STAMBPL1: variants seen among roughly 807,000 people sequenced by gnomAD.
STAMBPL1 encodes STAM binding protein like 1.
In STAMBPL1, 44 loss-of-function variants were observed where a neutral mutation model predicts 52.9. The observed-to-expected ratio is 0.83, with a 90% CI of 0.65 to 1.07. STAMBPL1 has a LOEUF of 1.07. Among genes scored for constraint, STAMBPL1 ranks in the 50% least tolerant of loss-of-function variants. The pLI, the probability that STAMBPL1 is intolerant of heterozygous loss-of-function variation, is 0.00. For synonymous variants in STAMBPL1, 164 were observed against 177.3 expected (o/e 0.92, Z 0.60); for missense variants, 511 against 520.8 (o/e 0.98, Z 0.18).
intron 6 of STAMBPL1, 115 bp from the exon 7 acceptor site, chr10:88,914,419 C>T: frequency 2.7e-6 from 2 of 733,040 alleles, no homozygotes; most frequent in South Asian, 4.9e-5. Context: ...AGTGGAACAC[C>T]TGATACTTTT....
Position 88,921,283 on chromosome 10 carries a change from A to C in STAMBPL1, c.1042A>C (p.Thr348Pro), listed in dbSNP as rs1845503776. ...AGATTATCTTATTTTCTATTTATAG[A>C]CACATCCCACTCAAACTGCATTTTT... is the stretch of plus-strand genomic sequence containing the variant. ...HDLLTLGWIH[T>P]HPTQTAFLSS... is the part of the protein sequence containing the mutation. The change falls in exon 9 of 11, where the codon ACA becomes CCA. Residue 348 changes from threonine to proline, a missense_variant and splice_region_variant. Physicochemically the swap from Thr to Pro is conservative, Grantham distance 38 (BLOSUM62 -1). This residue lies in a region of STAMBPL1 where 137 missense variants were observed against 139.9 expected (regional missense o/e 0.98). Transcript: ENST00000371926. 5.0e-6 allele frequency: 8 copies of C among 1,610,680 alleles called. No homozygotes were observed. In the East Asian group the frequency reaches 1.8e-4, roughly 36 times the overall value.
chr10:88,880,865 C>G (rs889489806), intron 1 of STAMBPL1, among the ~76,000 whole-genome samples: 6 of 152,224 alleles, frequency 3.9e-5, no homozygotes, highest in Admixed American at 3.3e-4. Flanking sequence ...TGCGCCCCTC[C>G]GCTGGGCCCT....
intron 3 of STAMBPL1, among the ~76,000 whole-genome samples, chr10:88,907,486 C>T (rs1487555554): frequency 6.6e-6 from 1 of 152,202 alleles, no homozygotes; most frequent in Non-Finnish European, 1.5e-5. Flanking sequence ...AATAATATTT[C>T]TTTTTCACCT....
Position 88,921,273 on chromosome 10 carries a change from C to G in STAMBPL1, c.1042-10C>G. 6.2e-7 allele frequency: 1 copy of G among 1,604,196 alleles called. No homozygotes were observed. Among genetic ancestry groups the G allele is most frequent in the South Asian group, 1.1e-5 (1 of 90,776 alleles). ...TATCCTAGTAAGATTATCTTATTTT[C>G]TATTTATAGACACATCCCACTCAAA... is the stretch of plus-strand genomic sequence containing the variant. On this transcript the variant is annotated splice_polypyrimidine_tract_variant and intron_variant, in intron 8 of 10. Transcript: ENST00000371926.
chr10:88,910,991 CAAG>C lies in STAMBPL1; in HGVS notation c.403_405del (p.Glu135del). ...TTTAAAGAAATATAACGTAGAATAC[CAAG>C]AATATTTGCAAAGCAAAGTAAGTTC... On this transcript the variant is annotated inframe_deletion, in exon 5 of 11. Coordinates refer to ENST00000371926, the MANE Select transcript of STAMBPL1 (RefSeq NM_020799.4). The C allele has an allele frequency of 6.3e-7, 1 of 1,582,074 alleles. No homozygotes were observed. The highest frequency in any genetic ancestry group is 8.6e-7 in the Non-Finnish European group (1 of 1,167,104).
chr10:88,898,930 A>T (rs1341257526), intron 1 of STAMBPL1, among the ~76,000 whole-genome samples: 1 of 152,222 alleles, frequency 6.6e-6, no homozygotes, highest in African/African-American at 2.4e-5. Flanking sequence ...ATGCTTTGAA[A>T]TAGAAACTAG....
intron 10 of STAMBPL1, among the ~76,000 whole-genome samples, chr10:88,922,883 CT>C (rs928575598): frequency 1.3e-5 from 2 of 150,856 alleles, no homozygotes; most frequent in African/African-American, 4.9e-5. Flanking sequence ...TTGACTACGC[CT>C]TTTTTTTTCC....
Position 88,901,692 on chromosome 10 carries a change from T to G in STAMBPL1, c.-17T>G, listed in dbSNP as rs1472182374. The G allele has an allele frequency of 6.2e-7, 1 of 1,608,142 alleles. No individual in the cohort carries two copies. The highest frequency in any genetic ancestry group is 1.7e-5 in the Admixed American group (1 of 58,920). On this transcript the variant is annotated 5_prime_UTR_variant, in exon 2 of 11. The change creates a new upstream start codon in the 5' untranslated region. Coordinates refer to ENST00000371926, the MANE Select transcript of STAMBPL1 (RefSeq NM_020799.4). ...GAGAAGAAACAGTGAACATCCTCATTTCACAGATAAGACAACATGGATCAG... is the reference window on the plus strand; with the variant it reads ...GAGAAGAAACAGTGAACATCCTCATGTCACAGATAAGACAACATGGATCAG...
chr10:88,905,967 C>T (rs34227826), intron 3 of STAMBPL1, among the ~76,000 whole-genome samples: 7,488 of 152,030 alleles, frequency 0.049, 270 homozygotes, highest in Non-Finnish European at 0.074. Flanking sequence ...TTTTTTCATG[C>T]GATTTTCCCC....
chr10:88,913,248 G>T lies in STAMBPL1; in HGVS notation c.568G>T (p.Ala190Ser), dbSNP rs751726867. The T allele has an allele frequency of 6.2e-7, 1 of 1,613,882 alleles. No individual in the cohort carries two copies. The highest frequency in any genetic ancestry group is 8.5e-7 in the Non-Finnish European group (1 of 1,179,838). ...FEDQLKKQEL[A>S]RGQMRSQQTS... is the part of the protein sequence containing the mutation. The stretch of plus-strand genomic sequence containing the variant: ...AGATCAACTCAAGAAGCAAGAGTTA[G>T]CCCGAGGTCAAATGCGAAGTCAGCA... The change falls in exon 6 of 11, where the codon GCC becomes TCC. Residue 190 changes from alanine to serine, a missense_variant. Coordinates refer to ENST00000371926, the MANE Select transcript of STAMBPL1 (RefSeq NM_020799.4).
chr10:88,895,612 A>G (rs1280430920), intron 1 of STAMBPL1, among the ~76,000 whole-genome samples: 2 of 152,208 alleles, frequency 1.3e-5, no homozygotes, highest in Non-Finnish European at 2.9e-5. Context: ...GAACTTTATT[A>G]CCTCATTTAA....
At chr10:88,922,536 A>G (rs1485093947) in intron 10 of STAMBPL1, 100 bp downstream of exon 10, 1 of 1,049,394 alleles carries the variant, frequency 9.5e-7, no homozygotes, top group African/African-American at 1.6e-5. Flanking sequence ...AAGATAAAAT[A>G]CTGTACTGCT....
intron 1 of STAMBPL1, among the ~76,000 whole-genome samples, chr10:88,889,425 T>G (rs1844622200): frequency 2.0e-5 from 3 of 152,198 alleles, no homozygotes; most frequent in Admixed American, 6.5e-5. Flanking sequence ...TAGATGTTTA[T>G]TTCTTGTGAC....
intron 10 of STAMBPL1, 72 bp from the exon 11 acceptor site, chr10:88,923,096 C>A: frequency 9.3e-7 from 1 of 1,070,458 alleles, no homozygotes; most frequent in Non-Finnish European, 1.4e-6. Context: ...ATACTTCCTC[C>A]CTAAAGAAAA....
At chr10:88,910,622 A>C (rs1845196302) in intron 4 of STAMBPL1, among the ~76,000 whole-genome samples, 1 of 152,234 alleles carries the variant, frequency 6.6e-6, no homozygotes, top group South Asian at 2.1e-4. Flanking sequence ...GGGGTACCAC[A>C]AAGGTAGCCA....
intron 1 of STAMBPL1, among the ~76,000 whole-genome samples, chr10:88,898,500 G>A (rs1015100204): frequency 3.9e-5 from 6 of 152,112 alleles, no homozygotes; most frequent in Admixed American, 6.5e-5. Context: ...AAAAGATAAA[G>A]GAATTAAGAC....
chr10:88,886,914 A>G (rs1028949467), intron 1 of STAMBPL1, among the ~76,000 whole-genome samples: 6 of 152,182 alleles, frequency 3.9e-5, no homozygotes, highest in Non-Finnish European at 7.3e-5. Flanking sequence ...TCATCTGAGG[A>G]CCCTGTGATT....
chr10:88,910,826 T>C, intron 4 of STAMBPL1, 90 bp from the exon 5 acceptor site: 1 of 847,858 alleles, frequency 1.2e-6, no homozygotes, highest in Non-Finnish European at 1.8e-6. Context: ...ATTTGCAGTA[T>C]ACCTACCAGC....
At chr10:88,886,376 T>C (rs1160633667) in intron 1 of STAMBPL1, among the ~76,000 whole-genome samples, 1 of 152,204 alleles carries the variant, frequency 6.6e-6, no homozygotes, top group East Asian at 1.9e-4. Context: ...CCCTTAAAAA[T>C]ATACTCTGCA....
Sources: allele counts gnomAD v4.1 joint callset (sites outside exome capture counted in the v4.1 genomes callset), GRCh38; gene constraint gnomAD v4.1.1; regional missense constraint gnomAD v4.1.1; transcripts MANE v1.5; gene names NCBI Gene and HGNC (gene_info 2026-07-23, HGNC 2026-07-21).